Variants in PID1 observed in about 807,000 individuals in gnomAD.
PID1 encodes PTB-containing, cubilin and LRP1-interacting protein.
PID1 carries 10 observed loss-of-function variants against 19.1 expected under a neutral mutation model. That is an observed-to-expected ratio of 0.52 (90% confidence interval 0.32 to 0.89). The LOEUF (loss-of-function observed/expected upper bound fraction) is 0.89. Among genes scored for constraint, PID1 ranks in the 40% least tolerant of loss-of-function variants. The pLI, the probability that PID1 is intolerant of heterozygous loss-of-function variation, is 0.03. For missense variants in PID1, 248 were observed against 285.3 expected (o/e 0.87, Z 0.94); for synonymous variants, 130 against 116.0 (o/e 1.12, Z -0.78).
intron 2 of PID1, among the ~76,000 whole-genome samples, chr2:229,144,189 T>C (rs1473839140): frequency 2.0e-5 from 3 of 152,110 alleles, no homozygotes; most frequent in Non-Finnish European, 4.4e-5. Context: ...CTGGGAGACG[T>C]GCTCCAGCAT....
chr2:229,134,311 C>T (rs1689813242), intron 2 of PID1, among the ~76,000 whole-genome samples: 1 of 144,172 alleles, frequency 6.9e-6, no homozygotes, highest in Non-Finnish European at 1.5e-5. Context: ...GTGATTTTGG[C>T]TCACTGCAAC....
chr2:229,172,161 TC>T (rs1690723838), intron 1 of PID1, among the ~76,000 whole-genome samples: 1 of 152,170 alleles, frequency 6.6e-6, no homozygotes, highest in Admixed American at 6.5e-5. Context: ...AAAGTGACTT[TC>T]TTTGAGTAAC....
chr2:229,219,334 T>C (rs915710351), intron 1 of PID1, among the ~76,000 whole-genome samples: 1 of 152,070 alleles, frequency 6.6e-6, no homozygotes, highest in Non-Finnish European at 1.5e-5. Flanking sequence ...GCAGCAAACA[T>C]GTCCTTCTTC....
intron 2 of PID1, among the ~76,000 whole-genome samples, chr2:229,130,335 C>A (rs751190787): frequency 6.6e-6 from 1 of 152,162 alleles, no homozygotes; most frequent in Non-Finnish European, 1.5e-5. Flanking sequence ...TTCTCAGAGA[C>A]CAGAAGCTTG....
intron 2 of PID1, among the ~76,000 whole-genome samples, chr2:229,154,831 C>T (rs549003780): frequency 6.6e-6 from 1 of 152,282 alleles, no homozygotes; most frequent in African/African-American, 2.4e-5. Flanking sequence ...GATGATAAAA[C>T]ATCCATAAAA....
intron 1 of PID1, among the ~76,000 whole-genome samples, chr2:229,237,055 A>G (rs931865518): frequency 6.6e-5 from 10 of 151,770 alleles, no homozygotes; most frequent in African/African-American, 2.4e-4. Flanking sequence ...GGATCTAAGT[A>G]TTTTGGAAAT....
chr2:229,098,866 G>A (rs1297491862), intron 2 of PID1, among the ~76,000 whole-genome samples: 2 of 152,148 alleles, frequency 1.3e-5, no homozygotes, highest in East Asian at 1.9e-4. Context: ...CGCCACGTTC[G>A]TGCTTTTTTT....
At chr2:229,054,141 G>C (rs1040830684) in intron 2 of PID1, among the ~76,000 whole-genome samples, 7 of 152,106 alleles carry the variant, frequency 4.6e-5, no homozygotes, top group Admixed American at 6.6e-5. Flanking sequence ...CAAACACAAA[G>C]TGAACCCCAA....
At chr2:229,223,951 A>G (rs143922679) in intron 1 of PID1, among the ~76,000 whole-genome samples, 54 of 152,268 alleles carry the variant, frequency 3.5e-4, no homozygotes, top group African/African-American at 1.3e-3. Context: ...TGGCTTTTGA[A>G]GACCCCAGTC....
intron 2 of PID1, among the ~76,000 whole-genome samples, chr2:229,049,794 G>A (rs527453016): frequency 1.3e-5 from 2 of 152,188 alleles, no homozygotes; most frequent in East Asian, 3.9e-4. Flanking sequence ...AAAAGTCATC[G>A]ACACAGAACA....
intron 1 of PID1, among the ~76,000 whole-genome samples, chr2:229,233,517 A>C (rs1312811720): frequency 6.9e-6 from 1 of 144,714 alleles, no homozygotes; most frequent in African/African-American, 2.6e-5. Flanking sequence ...TTTGAAATGG[A>C]GTCTCACTCT....
chr2:229,126,903 A>C (rs1695633115), intron 2 of PID1, among the ~76,000 whole-genome samples: 1 of 152,200 alleles, frequency 6.6e-6, no homozygotes, highest in Non-Finnish European at 1.5e-5. Context: ...TTGCTCATGC[A>C]ACACTCTAAT....
rs569736923 is a variant in PID1, at chr2:229,109,226, T to C, written c.177+46592A>G. On this transcript the variant is annotated intron_variant, in intron 2 of 2. Coordinates refer to ENST00000392055, the MANE Select transcript of PID1 (RefSeq NM_001100818.2). ...GAATCACCTATTTGGGGAGATTCTT[T>C]GAATCTTCTTCAATATAGAATATTA... 2.0e-5 allele frequency among the ~76,000 whole-genome samples: 3 copies of C among 152,330 alleles called. No homozygotes were observed. In the East Asian group the frequency reaches 5.8e-4, roughly 29 times the overall value.
At chr2:229,046,053 T>C (rs1693870200) in intron 2 of PID1, among the ~76,000 whole-genome samples, 1 of 152,092 alleles carries the variant, frequency 6.6e-6, no homozygotes, top group South Asian at 2.1e-4. Context: ...AGCAATTCAA[T>C]CAGGGCCTGA....
At position 229,026,062 on chromosome 2, in the gene PID1, GAC is replaced by G; in HGVS notation, c.222_223del (p.Leu74PhefsTer10). ...AATGACTGGCTTTTCTGTGCAGCCTGACAAAAACTGCATGCCAGTGGTGGAGA... is the reference window on the plus strand; with the variant it reads ...AATGACTGGCTTTTCTGTGCAGCCTGAAAAACTGCATGCCAGTGGTGGAGA... On this transcript the variant is annotated frameshift_variant, in exon 3 of 3. Transcript: ENST00000392055. LOFTEE classifies it high-confidence loss of function. 1 of 1,614,154 alleles carries G rather than the reference GAC, an allele frequency of 6.2e-7. No individual in the cohort carries two copies. The highest frequency in any genetic ancestry group is 8.5e-7 in the Non-Finnish European group (1 of 1,180,002).
intron 2 of PID1, among the ~76,000 whole-genome samples, chr2:229,094,979 C>T (rs1289263288): frequency 6.6e-6 from 1 of 152,166 alleles, no homozygotes; most frequent in Admixed American, 6.5e-5. Flanking sequence ...ATCCCCACCA[C>T]ACTCTAATAA....
intron 1 of PID1, among the ~76,000 whole-genome samples, chr2:229,187,374 G>T (rs1691155075): frequency 1.3e-5 from 2 of 152,172 alleles, no homozygotes; most frequent in Non-Finnish European, 1.5e-5. Context: ...AAAAGAAAGA[G>T]GTTTAATTGG....
rs1185109507 is a variant in PID1 at position 229,153,789 on chromosome 2, A to AT, written c.177+2028dup. Among the ~76,000 whole-genome samples, 3 of 152,222 alleles carry AT rather than the reference A, an allele frequency of 2.0e-5. No homozygotes were observed. The South Asian group carries it at 6.2e-4, about 32-fold the overall frequency. ...ACATTAGATTGTTAGATTGCTAGGTATTTTTATTTTAAAACTGTGTAGTTT... is the reference window on the plus strand; with the variant it reads ...ACATTAGATTGTTAGATTGCTAGGTATTTTTTATTTTAAAACTGTGTAGTTT... On this transcript the variant is annotated intron_variant, in intron 2 of 2. Transcript: ENST00000392055.
chr2:229,056,310 T>C (rs1413748060), intron 2 of PID1, among the ~76,000 whole-genome samples: 25 of 152,154 alleles, frequency 1.6e-4, no homozygotes, highest in Admixed American at 1.6e-3. Context: ...GAGTGCCACA[T>C]AACAAGCCAC....
Sources: allele counts gnomAD v4.1 joint callset (sites outside exome capture counted in the v4.1 genomes callset), GRCh38; gene constraint gnomAD v4.1.1; transcripts MANE v1.5; gene names NCBI Gene and HGNC (gene_info 2026-07-23, HGNC 2026-07-21).